Variants in CPEB3 observed in about 807,000 individuals in gnomAD.
The protein encoded by CPEB3 is cytoplasmic polyadenylation element-binding protein 3.
Under a neutral mutation model 67.2 loss-of-function variants are expected in CPEB3, and 20 were observed. The ratio of observed to expected loss-of-function variants is 0.30; its 90% CI spans 0.21 to 0.43. CPEB3 has a LOEUF of 0.43. Ranked by LOEUF, CPEB3 falls within the 20% of genes least tolerant of loss-of-function variation. The pLI is 1.00. For missense variants in CPEB3, 746 were observed against 968.6 expected (o/e 0.77, Z 3.05); for synonymous variants, 376 against 393.1 (o/e 0.96, Z 0.51).
chr10:92,211,843 CA>C (rs1564871942), intron 2 of CPEB3, among the ~76,000 whole-genome samples: 2 of 151,260 alleles, frequency 1.3e-5, no homozygotes, highest in African/African-American at 4.9e-5. Context: ...GCGCCCAGCT[CA>C]AACATATATG....
At chr10:92,079,216 C>T (rs1418680830) in intron 9 of CPEB3, among the ~76,000 whole-genome samples, 1 of 152,192 alleles carries the variant, frequency 6.6e-6, no homozygotes, top group Non-Finnish European at 1.5e-5. Flanking sequence ...CGTCTACCAG[C>T]AACAGCAGCA....
At chr10:92,066,434 A>C (rs1842550709) in intron 9 of CPEB3, among the ~76,000 whole-genome samples, 1 of 152,112 alleles carries the variant, frequency 6.6e-6, no homozygotes, top group Admixed American at 6.6e-5. Flanking sequence ...TAAATAAATA[A>C]AATTAAGGGT....
chr10:92,173,996 T>C (rs893394302), intron 4 of CPEB3, among the ~76,000 whole-genome samples: 3 of 152,226 alleles, frequency 2.0e-5, no homozygotes, highest in African/African-American at 7.2e-5. Context: ...TCAGACAAAA[T>C]GTCTTTAATC....
At chr10:92,166,451 T>C (rs898952944) in intron 4 of CPEB3, among the ~76,000 whole-genome samples, 2 of 152,140 alleles carry the variant, frequency 1.3e-5, no homozygotes, top group African/African-American at 4.8e-5. Flanking sequence ...GAAGTATAAA[T>C]TATACCTTGA....
intron 6 of CPEB3, among the ~76,000 whole-genome samples, chr10:92,120,794 G>A (rs1236971548): frequency 6.6e-6 from 1 of 151,856 alleles, no homozygotes. Flanking sequence ...TCTGCCGCCT[G>A]GGTTCAAGTG....
At chr10:92,242,176 T>G (rs1851879318) in intron 1 of CPEB3, among the ~76,000 whole-genome samples, 1 of 152,212 alleles carries the variant, frequency 6.6e-6, no homozygotes, top group Non-Finnish European at 1.5e-5. Context: ...AAAATAGTGG[T>G]GGGCTAAAGG....
At chr10:92,246,794 C>T (rs1320031879) in intron 1 of CPEB3, among the ~76,000 whole-genome samples, 1 of 152,138 alleles carries the variant, frequency 6.6e-6, no homozygotes, top group Non-Finnish European at 1.5e-5. Context: ...AGGCATAAGC[C>T]ACCACGCCCG....
chr10:92,259,103 C>T (rs1445555486), intron 1 of CPEB3, among the ~76,000 whole-genome samples: 1 of 151,730 alleles, frequency 6.6e-6, no homozygotes, highest in African/African-American at 2.4e-5. Flanking sequence ...GCAGGGATTA[C>T]AGGTACACGC....
intron 1 of CPEB3, among the ~76,000 whole-genome samples, chr10:92,248,420 A>C (rs1263739991): frequency 6.6e-6 from 1 of 152,212 alleles, no homozygotes; most frequent in Non-Finnish European, 1.5e-5. Context: ...ACAACTGTAC[A>C]TGGGTCAAAT....
chr10:92,186,647 C>A (rs1053506192), intron 3 of CPEB3, among the ~76,000 whole-genome samples: 2 of 152,100 alleles, frequency 1.3e-5, no homozygotes, highest in Admixed American at 1.3e-4. Context: ...GTAGGCCAGG[C>A]TGGTCTTGAA....
chr10:92,201,560 C>T (rs1367568558), intron 2 of CPEB3, among the ~76,000 whole-genome samples: 1 of 149,396 alleles, frequency 6.7e-6, no homozygotes, highest in Non-Finnish European at 1.5e-5. Context: ...AAACAAAAAC[C>T]AACAAAAATT....
intron 1 of CPEB3, among the ~76,000 whole-genome samples, chr10:92,289,732 A>AAAAAAAAAAAAAATAT: frequency 2.5e-4 from 19 of 75,760 alleles, no homozygotes; most frequent in Non-Finnish European, 2.8e-4. Context: ...AAAAAAAAAA[A>AAAAAAAAAAAAAATAT]ATATATATAT....
chr10:92,220,812 G>A (rs376561612), intron 2 of CPEB3, among the ~76,000 whole-genome samples: 1 of 152,158 alleles, frequency 6.6e-6, no homozygotes, highest in East Asian at 1.9e-4. Flanking sequence ...TGATGGTTAG[G>A]TTTCCATTCT....
chr10:92,059,540 CA>C (rs535937281), intron 9 of CPEB3, among the ~76,000 whole-genome samples: 1 of 150,910 alleles, frequency 6.6e-6, no homozygotes, highest in Non-Finnish European at 1.5e-5. Context: ...GAAAAAACTT[CA>C]AAAAAACAAT....
At chr10:92,145,207 A>T (rs1406582883) in intron 4 of CPEB3, 122 bp from the exon 5 acceptor site, 10 of 1,065,686 alleles carry the variant, frequency 9.4e-6, no homozygotes, top group Non-Finnish European at 1.1e-5. Context: ...AGCATACAAA[A>T]AAAAAGGTGT....
chr10:92,233,681 T>A (rs1258239336), intron 2 of CPEB3, among the ~76,000 whole-genome samples: 1 of 152,128 alleles, frequency 6.6e-6, no homozygotes, highest in Non-Finnish European at 1.5e-5. Flanking sequence ...TGTATTCCCA[T>A]GAATTCATGT....
intron 4 of CPEB3, among the ~76,000 whole-genome samples, chr10:92,162,733 C>T (rs1847549020): frequency 1.3e-5 from 2 of 152,144 alleles, no homozygotes; most frequent in African/African-American, 4.8e-5. Context: ...TGAGGCAACA[C>T]TAAAATAGAT....
intron 8 of CPEB3, among the ~76,000 whole-genome samples, chr10:92,086,977 T>G (rs1843400850): frequency 6.6e-6 from 1 of 152,162 alleles, no homozygotes; most frequent in Non-Finnish European, 1.5e-5. Flanking sequence ...CATACTGAAC[T>G]TAGGACATGG....
intron 8 of CPEB3, among the ~76,000 whole-genome samples, chr10:92,083,638 T>C (rs1843246704): frequency 6.6e-6 from 1 of 152,130 alleles, no homozygotes; most frequent in Admixed American, 6.5e-5. Flanking sequence ...ACCCTGTAAA[T>C]TAAATACTAA....
Sources: gnomAD v4.1 joint callset for allele counts (sites outside exome capture counted in the v4.1 genomes callset) on GRCh38, gnomAD v4.1.1 for gene constraint, MANE v1.5 for transcripts, NCBI Gene and HGNC (gene_info 2026-07-23, HGNC 2026-07-21) for gene names.